AK5: variants seen among roughly 807,000 people sequenced by gnomAD.
AK5 encodes the protein adenylate kinase 5.
Under a neutral mutation model 69.5 loss-of-function variants are expected in AK5, and 27 were observed. The observed-to-expected ratio is 0.39, with a 90% CI of 0.29 to 0.54. The LOEUF (loss-of-function observed/expected upper bound fraction) is 0.54, where lower values mean the gene tolerates loss of function less well. AK5 is among the 20% of genes least tolerant of loss of function. The pLI is 0.71. For synonymous variants in AK5, 260 were observed against 244.4 expected (o/e 1.06, Z -0.60); for missense variants, 531 against 700.4 (o/e 0.76, Z 2.73).
chr1:77,479,143 C>A (rs1655113910), intron 8 of AK5, among the ~76,000 whole-genome samples: 1 of 150,712 alleles, frequency 6.6e-6, no homozygotes, highest in African/African-American at 2.4e-5. Flanking sequence ...TCATCAATTA[C>A]CAACATATTA....
At chr1:77,452,535 T>C (rs1653220218) in intron 8 of AK5, among the ~76,000 whole-genome samples, 1 of 152,208 alleles carries the variant, frequency 6.6e-6, no homozygotes, top group Non-Finnish European at 1.5e-5. Flanking sequence ...GCAGAGTATA[T>C]TAAATGCTAA....
intron 8 of AK5, among the ~76,000 whole-genome samples, chr1:77,419,645 T>C (rs533212803): frequency 6.6e-6 from 1 of 150,684 alleles, no homozygotes; most frequent in South Asian, 2.1e-4. Context: ...GAAATTGCCA[T>C]AGAATAAAAC....
At chr1:77,504,035 T>G (rs1018571813) in intron 10 of AK5, among the ~76,000 whole-genome samples, 1 of 152,220 alleles carries the variant, frequency 6.6e-6, no homozygotes, top group Non-Finnish European at 1.5e-5. Flanking sequence ...TTCTTGTGAT[T>G]TATGTCTTCA....
chr1:77,557,166 T>C (rs4245658), intron 13 of AK5: 100,587 of 152,458 alleles, frequency 0.66, 35,080 homozygotes, highest in Non-Finnish European at 0.78. Flanking sequence ...CTCAGAATTC[T>C]GCAGTAGCCC....
chr1:77,353,069 G>C (rs1016394369), intron 6 of AK5, among the ~76,000 whole-genome samples: 1 of 152,002 alleles, frequency 6.6e-6, no homozygotes, highest in Non-Finnish European at 1.5e-5. Context: ...AAAAAAATAA[G>C]AAATTTGTTT....
intron 5 of AK5, among the ~76,000 whole-genome samples, chr1:77,339,883 G>A (rs997712771): frequency 5.9e-5 from 9 of 152,018 alleles, no homozygotes; most frequent in African/African-American, 2.2e-4. Context: ...GCCTCCCAAA[G>A]TGCTGAAATT....
At chr1:77,368,733 A>T (rs1386180463) in intron 6 of AK5, among the ~76,000 whole-genome samples, 1 of 152,156 alleles carries the variant, frequency 6.6e-6, no homozygotes. Context: ...GAAATCTGAA[A>T]TGTCAAGTGT....
intron 13 of AK5, among the ~76,000 whole-genome samples, chr1:77,553,062 A>T (rs570119317): frequency 2.0e-5 from 3 of 152,328 alleles, no homozygotes; most frequent in Non-Finnish European, 4.4e-5. Context: ...GGGGTTCTTT[A>T]AAAAATTTGT....
chr1:77,397,625 T>C (rs917405163), intron 6 of AK5, among the ~76,000 whole-genome samples: 3 of 152,228 alleles, frequency 2.0e-5, no homozygotes, highest in African/African-American at 7.2e-5. Flanking sequence ...CTGGGAGCAC[T>C]GACTCACATC....
intron 10 of AK5, 110 bp from the exon 11 acceptor site, chr1:77,518,454 C>T: frequency 1.7e-6 from 2 of 1,159,766 alleles, no homozygotes; most frequent in African/African-American, 1.5e-5. Flanking sequence ...CTCAAGTTCC[C>T]AATACATGCT....
chr1:77,324,880 G>T (rs1357516690), intron 5 of AK5, among the ~76,000 whole-genome samples: 1 of 152,046 alleles, frequency 6.6e-6, no homozygotes, highest in African/African-American at 2.4e-5. Flanking sequence ...TTCTGGATGT[G>T]ATGGTGGCTA....
chr1:77,497,205 T>C (rs1351638300), intron 10 of AK5, among the ~76,000 whole-genome samples: 1 of 152,162 alleles, frequency 6.6e-6, no homozygotes, highest in East Asian at 1.9e-4. Flanking sequence ...TTAAGAGCTG[T>C]AACGCTCACT....
chr1:77,362,224 A>G (rs915564522), intron 6 of AK5, among the ~76,000 whole-genome samples: 2 of 152,184 alleles, frequency 1.3e-5, no homozygotes, highest in Non-Finnish European at 2.9e-5. Flanking sequence ...AGCAATATTG[A>G]CATTCTTATT....
At chr1:77,299,523 C>T (rs149510513) in intron 5 of AK5, among the ~76,000 whole-genome samples, 3 of 152,218 alleles carry the variant, frequency 2.0e-5, no homozygotes, top group African/African-American at 7.2e-5. Flanking sequence ...GCTAGAATGT[C>T]TGCCTCCCCT....
At chr1:77,368,265 A>ATATGT (rs1647049086) in intron 6 of AK5, among the ~76,000 whole-genome samples, 2 of 96,956 alleles carry the variant, frequency 2.1e-5, no homozygotes, top group Admixed American at 2.8e-4. Flanking sequence ...TATATATGTT[A>ATATGT]TATATATGTT....
At chr1:77,457,130 T>C (rs1653540704) in intron 8 of AK5, among the ~76,000 whole-genome samples, 1 of 152,154 alleles carries the variant, frequency 6.6e-6, no homozygotes, top group African/African-American at 2.4e-5. Flanking sequence ...TCCCCTATCC[T>C]TGTGACCTGT....
intron 6 of AK5, among the ~76,000 whole-genome samples, chr1:77,346,601 A>G (rs909041407): frequency 1.3e-5 from 2 of 152,182 alleles, no homozygotes; most frequent in Admixed American, 6.6e-5. Flanking sequence ...GGTTCAAGCC[A>G]TCCTCCCACC....
Position 77,381,094 on chromosome 1 carries a change from C to T in AK5, c.892-29887C>T, listed in dbSNP as rs115214527. Among the ~76,000 whole-genome samples the T allele has an allele frequency of 5.2e-3, 792 of 152,246 alleles. 7 individuals are homozygous for T. Among genetic ancestry groups the T allele is most frequent in the African/African-American group, 0.018 (731 of 41,538 alleles). On this transcript the variant is annotated intron_variant, in intron 6 of 13. Coordinates refer to ENST00000354567, the MANE Select transcript of AK5 (RefSeq NM_174858.3). Reference sequence around the variant, plus strand: ...GCTATAGATTGAATGTTTGTGTTCCCCCCCGAATTTGTACATTGGAACCTA... The same window carrying T: ...GCTATAGATTGAATGTTTGTGTTCCTCCCCGAATTTGTACATTGGAACCTA...
chr1:77,457,932 C>A (rs1252837693), intron 8 of AK5, among the ~76,000 whole-genome samples: 1 of 151,834 alleles, frequency 6.6e-6, no homozygotes, highest in Non-Finnish European at 1.5e-5. Context: ...GACTGGAAGT[C>A]CTAAAGTCAA....
Sources: allele counts gnomAD v4.1 joint callset (sites outside exome capture counted in the v4.1 genomes callset), GRCh38; gene constraint gnomAD v4.1.1; transcripts MANE v1.5; gene names NCBI Gene and HGNC (gene_info 2026-07-23, HGNC 2026-07-21).